PDE4D: variants seen among roughly 807,000 people sequenced by gnomAD.
PDE4D encodes 3',5'-cyclic-AMP phosphodiesterase 4D.
A neutral mutation model predicts 87.4 loss-of-function variants in PDE4D; 24 were observed. The ratio of observed to expected loss-of-function variants is 0.27; its 90% confidence interval spans 0.20 to 0.39. The LOEUF (loss-of-function observed/expected upper bound fraction) is 0.39, where lower values mean the gene tolerates loss of function less well. Among genes scored for constraint, PDE4D ranks in the 10% least tolerant of loss-of-function variants. PDE4D has a pLI of 1.00. For missense variants in PDE4D, 714 were observed against 1,041.0 expected, an observed-to-expected ratio of 0.69 and a Z score of 4.32; for synonymous variants, 384 against 383.2, an observed-to-expected ratio of 1.00 and a Z score of -0.02.
chr5:59,764,198 T>A (rs1391975749), intron 1 of PDE4D, among the ~76,000 whole-genome samples: 1 of 152,138 alleles, frequency 6.6e-6, no homozygotes, highest in Non-Finnish European at 1.5e-5. Context: ...AGTAATCATC[T>A]AGAAATTTAA....
chr5:60,065,830 A>G (rs1489748404), intron 2 of PDE4D, among the ~76,000 whole-genome samples: 1 of 152,258 alleles, frequency 6.6e-6, no homozygotes, highest in African/African-American at 2.4e-5. Context: ...AATCCAGTCT[A>G]TCGTTGTTGG....
chr5:60,099,684 A>C (rs1324370948), intron 2 of PDE4D, among the ~76,000 whole-genome samples: 2 of 151,974 alleles, frequency 1.3e-5, no homozygotes, highest in Non-Finnish European at 2.9e-5. Flanking sequence ...AAATGAAAAC[A>C]AGTATATCAT....
At chr5:60,109,179 C>A (rs1299624805) in intron 2 of PDE4D, among the ~76,000 whole-genome samples, 2 of 152,070 alleles carry the variant, frequency 1.3e-5, no homozygotes, top group Non-Finnish European at 2.9e-5. Context: ...AAACAAACAA[C>A]CCCATCAAAA....
chr5:59,312,796 A>T (rs1011382062), intron 1 of PDE4D, among the ~76,000 whole-genome samples: 8 of 152,292 alleles, frequency 5.3e-5, no homozygotes, highest in Admixed American at 2.0e-4. Flanking sequence ...AAAAGGAGAA[A>T]TGCAGGGACA....
intron 3 of PDE4D, among the ~76,000 whole-genome samples, chr5:59,925,570 T>C (rs1755165233): frequency 6.6e-6 from 1 of 151,728 alleles, no homozygotes; most frequent in East Asian, 1.9e-4. Context: ...ATACACAGAG[T>C]AGTTGAATGG....
At chr5:59,021,494 T>C (rs4469166) in intron 6 of PDE4D, among the ~76,000 whole-genome samples, 15,905 of 152,176 alleles carry the variant, frequency 0.1, 1,310 homozygotes, top group East Asian at 0.47. Flanking sequence ...TGACCTTTTA[T>C]GTTTAAAAAT....
intron 3 of PDE4D, among the ~76,000 whole-genome samples, chr5:59,964,771 T>A (rs1759831193): frequency 6.6e-6 from 1 of 152,162 alleles, no homozygotes. Context: ...GCCACAGTCA[T>A]CTTTTTTTAA....
chr5:60,258,836 A>G (rs1749357655), intron 1 of PDE4D, among the ~76,000 whole-genome samples: 1 of 151,980 alleles, frequency 6.6e-6, no homozygotes, highest in Non-Finnish European at 1.5e-5. Context: ...TAACTATCAT[A>G]AACACTTTCT....
intron 1 of PDE4D, among the ~76,000 whole-genome samples, chr5:59,329,143 C>T (rs559527730): frequency 4.9e-4 from 74 of 152,272 alleles, no homozygotes; most frequent in African/African-American, 1.8e-3. Context: ...CCAGGATTTT[C>T]CCATAGGCTC....
chr5:59,639,601 C>T (rs2150185200), intron 1 of PDE4D, among the ~76,000 whole-genome samples: 1 of 152,234 alleles, frequency 6.6e-6, no homozygotes, highest in South Asian at 2.1e-4. Flanking sequence ...CTAGCGTGAA[C>T]AACTGGGGAG....
chr5:60,477,085 A>G (rs1044734398), intron 1 of PDE4D, among the ~76,000 whole-genome samples: 2 of 152,168 alleles, frequency 1.3e-5, no homozygotes, highest in South Asian at 2.1e-4. Context: ...AAGTTCCTCT[A>G]TGACATGTAG....
At chr5:60,134,863 C>T (rs1779902032) in intron 2 of PDE4D, among the ~76,000 whole-genome samples, 1 of 152,126 alleles carries the variant, frequency 6.6e-6, no homozygotes, top group Non-Finnish European at 1.5e-5. Flanking sequence ...GTACAGAGGG[C>T]CAAGTGTACT....
intron 1 of PDE4D, among the ~76,000 whole-genome samples, chr5:60,351,983 T>C (rs868860344): frequency 6.6e-6 from 1 of 150,792 alleles, no homozygotes; most frequent in Non-Finnish European, 1.5e-5. Flanking sequence ...TTTTTTTTTT[T>C]CTGTAGACAT....
At chr5:59,580,996 C>A (rs1486196315) in intron 1 of PDE4D, among the ~76,000 whole-genome samples, 1 of 151,642 alleles carries the variant, frequency 6.6e-6, no homozygotes, top group Non-Finnish European at 1.5e-5. Context: ...CAACATAATC[C>A]CTAGTTGTAA....
intron 1 of PDE4D, among the ~76,000 whole-genome samples, chr5:59,222,485 G>A (rs1162814382): frequency 1.3e-5 from 2 of 152,050 alleles, no homozygotes; most frequent in Admixed American, 6.6e-5. Context: ...GGCAATGAGG[G>A]CCTCAGTGGA....
At chr5:59,587,454 T>C (rs1825330596) in intron 1 of PDE4D, 1 of 985,394 alleles carries the variant, frequency 1.0e-6, no homozygotes, top group Non-Finnish European at 1.2e-6. Flanking sequence ...ATACAGACCT[T>C]GCATGCTTTT....
intron 1 of PDE4D, among the ~76,000 whole-genome samples, chr5:59,464,189 C>A (rs1044179682): frequency 5.9e-5 from 9 of 152,150 alleles, no homozygotes; most frequent in Admixed American, 3.3e-4. Flanking sequence ...CTGACCGTCC[C>A]CCAGCCCGAC....
intron 1 of PDE4D, among the ~76,000 whole-genome samples, chr5:59,268,059 T>C (rs1763146289): frequency 1.3e-5 from 2 of 152,056 alleles, no homozygotes; most frequent in African/African-American, 4.8e-5. Flanking sequence ...TTCTTCCATA[T>C]TGGTCTCTGT....
chr5:59,711,752 T>C (rs1754229690), intron 1 of PDE4D, among the ~76,000 whole-genome samples: 1 of 152,172 alleles, frequency 6.6e-6, no homozygotes, highest in Non-Finnish European at 1.5e-5. Context: ...TCTTCTTTTG[T>C]ATATTATGAT....
Sources: allele counts gnomAD v4.1 joint callset (sites outside exome capture counted in the v4.1 genomes callset), GRCh38; gene constraint gnomAD v4.1.1; transcripts MANE v1.5; gene names NCBI Gene and HGNC (gene_info 2026-07-23, HGNC 2026-07-21).